DIP2C: variants seen among roughly 807,000 people sequenced by gnomAD.
DIP2C encodes the protein disco-interacting protein 2 homolog C.
In DIP2C, 33 loss-of-function variants were observed where a neutral mutation model predicts 192.4. That is an observed-to-expected ratio of 0.17 (90% CI 0.13 to 0.23). DIP2C has a LOEUF of 0.23. Ranked by LOEUF, DIP2C falls within the 10% of genes least tolerant of loss-of-function variation. DIP2C has a pLI of 1.00. For missense variants in DIP2C, 1,537 were observed against 2,110.1 expected (o/e 0.73, Z 5.32); for synonymous variants, 979 against 864.1 (o/e 1.13, Z -2.33).
At chr10:539,392 G>C (rs890686239) in intron 1 of DIP2C, among the ~76,000 whole-genome samples, 4 of 152,152 alleles carry the variant, frequency 2.6e-5, no homozygotes, top group Non-Finnish European at 5.9e-5. Flanking sequence ...CACATGGCAA[G>C]TACATGGTAT....
chr10:455,326 GACC>G (rs1969204330), intron 3 of DIP2C, among the ~76,000 whole-genome samples: 24 of 144,224 alleles, frequency 1.7e-4, no homozygotes, highest in African/African-American at 2.5e-4. Flanking sequence ...CCTGAGGGGA[GACC>G]GTGAGGAATA....
intron 9 of DIP2C, among the ~76,000 whole-genome samples, chr10:407,762 C>T (rs1353809757): frequency 1.3e-5 from 2 of 152,008 alleles, no homozygotes; most frequent in African/African-American, 2.4e-5. Context: ...CCCATTTAAA[C>T]GTTTTTGTTG....
chr10:379,850 A>G (rs1192085231), intron 17 of DIP2C, among the ~76,000 whole-genome samples: 1 of 151,900 alleles, frequency 6.6e-6, no homozygotes, highest in Non-Finnish European at 1.5e-5. Flanking sequence ...GAAGATGGTT[A>G]ACACGCAGAA....
rs142171941 is a variant in DIP2C, at chr10:323,649, A to T, written c.3924+3357T>A. ...TTTTTACATCAAATGATTAATTGTGATTATCTCAGGGTAGATGGGTTTATG... is the reference window on the plus strand; with the variant it reads ...TTTTTACATCAAATGATTAATTGTGTTTATCTCAGGGTAGATGGGTTTATG... On this transcript the variant is annotated intron_variant, in intron 31 of 36. Coordinates refer to ENST00000280886, the MANE Select transcript of DIP2C (RefSeq NM_014974.3). Among the ~76,000 whole-genome samples the T allele has an allele frequency of 2.0e-3, 307 of 152,332 alleles. 2 individuals are homozygous for T. Among genetic ancestry groups the T allele is most frequent in the African/African-American group, 7.0e-3 (290 of 41,566 alleles).
chr10:307,174 G>A (rs758431242), intron 32 of DIP2C, among the ~76,000 whole-genome samples: 1 of 152,222 alleles, frequency 6.6e-6, no homozygotes, highest in Non-Finnish European at 1.5e-5. Context: ...CTGCAGAACT[G>A]TGTGCCAAAT....
intron 1 of DIP2C, among the ~76,000 whole-genome samples, chr10:619,080 C>T (rs879816315): frequency 5.5e-4 from 84 of 152,022 alleles, no homozygotes; most frequent in Non-Finnish European, 1.0e-3. Context: ...GTGTGGCAGG[C>T]GGACATACCT....
intron 1 of DIP2C, among the ~76,000 whole-genome samples, chr10:577,297 C>G (rs530901976): frequency 6.6e-6 from 1 of 152,078 alleles, no homozygotes; most frequent in African/African-American, 2.4e-5. Flanking sequence ...AATTCACTAG[C>G]GATTAGCAAA....
At chr10:499,742 G>A (rs1188202878) in intron 1 of DIP2C, among the ~76,000 whole-genome samples, 1 of 152,198 alleles carries the variant, frequency 6.6e-6, no homozygotes, top group Non-Finnish European at 1.5e-5. Context: ...GGGGGTTATG[G>A]AAATTACAAT....
chr10:300,550 C>T (rs1023880274), intron 32 of DIP2C, among the ~76,000 whole-genome samples: 1 of 152,100 alleles, frequency 6.6e-6, no homozygotes, highest in Admixed American at 6.5e-5. Context: ...GAAACCAGAA[C>T]CAGGAGCAGC....
chr10:347,858 G>A (rs71492996), intron 26 of DIP2C, among the ~76,000 whole-genome samples: 1 of 50,580 alleles, frequency 2.0e-5, no homozygotes, highest in Non-Finnish European at 3.9e-5. Flanking sequence ...GCACCCAGAC[G>A]CGTCGCGCAT....
At chr10:580,742 C>CA (rs1323620363) in intron 1 of DIP2C, among the ~76,000 whole-genome samples, 1 of 151,572 alleles carries the variant, frequency 6.6e-6, no homozygotes, top group Non-Finnish European at 1.5e-5. Flanking sequence ...TTTTTTTTTC[C>CA]AAACTGTAAT....
intron 1 of DIP2C, among the ~76,000 whole-genome samples, chr10:615,748 A>C (rs1184690382): frequency 6.6e-6 from 1 of 152,054 alleles, no homozygotes; most frequent in Non-Finnish European, 1.5e-5. Flanking sequence ...AGCCACTCCC[A>C]CCAAGCTTCT....
At chr10:611,840 CCA>C (rs961904713) in intron 1 of DIP2C, among the ~76,000 whole-genome samples, 6 of 152,284 alleles carry the variant, frequency 3.9e-5, no homozygotes, top group Admixed American at 3.9e-4. Context: ...GCAAATATCC[CCA>C]CGACTTCAAA....
At chr10:535,064 C>T (rs564519055) in intron 1 of DIP2C, among the ~76,000 whole-genome samples, 86 of 152,290 alleles carry the variant, frequency 5.6e-4, no homozygotes, top group Admixed American at 1.8e-3. Flanking sequence ...GAGGCAGGAA[C>T]TGACCCCTCT....
intron 1 of DIP2C, chr10:667,522 ATAC>A (rs1269488875): frequency 6.6e-6 from 1 of 152,366 alleles, no homozygotes; most frequent in Non-Finnish European, 1.5e-5. Flanking sequence ...CAATGTACTC[ATAC>A]AACATATACA....
intron 5 of DIP2C, among the ~76,000 whole-genome samples, chr10:421,724 G>A (rs1589757468): frequency 1.3e-5 from 2 of 152,212 alleles, no homozygotes; most frequent in Middle Eastern, 3.4e-3. Flanking sequence ...ACAGTTCTGA[G>A]AGAGAAAAAA....
intron 14 of DIP2C, among the ~76,000 whole-genome samples, chr10:386,054 A>T (rs1308144717): frequency 6.6e-6 from 1 of 152,152 alleles, no homozygotes; most frequent in African/African-American, 2.4e-5. Context: ...TGGCACCACC[A>T]GCGGGAGCTC....
At chr10:598,220 C>T (rs75971995) in intron 1 of DIP2C, among the ~76,000 whole-genome samples, 5,124 of 152,010 alleles carry the variant, frequency 0.034, 124 homozygotes, top group Non-Finnish European at 0.051. Flanking sequence ...CCAAGGGCCA[C>T]GAGGGCCTCC....
At chr10:621,240 T>A (rs1853827775) in intron 1 of DIP2C, among the ~76,000 whole-genome samples, 1 of 150,850 alleles carries the variant, frequency 6.6e-6, no homozygotes, top group Admixed American at 6.6e-5. Context: ...CTGTACATGC[T>A]CATCTGTGCC....
Sources: allele counts gnomAD v4.1 joint callset (sites outside exome capture counted in the v4.1 genomes callset), GRCh38; gene constraint gnomAD v4.1.1; transcripts MANE v1.5; gene names NCBI Gene and HGNC (gene_info 2026-07-23, HGNC 2026-07-21).